The following TRPM3 variants were observed in gnomAD, a reference collection of about 807,000 sequenced individuals.
TRPM3 encodes transient receptor potential cation channel subfamily M member 3.
TRPM3 carries 77 observed loss-of-function variants against 181.2 expected under a neutral mutation model. The ratio of observed to expected loss-of-function variants is 0.42; its 90% CI spans 0.35 to 0.51. The LOEUF is 0.51. Ranked by LOEUF, TRPM3 falls within the 20% of genes least tolerant of loss-of-function variation. TRPM3 has a pLI of 0.01. For missense variants in TRPM3, 1,759 were observed against 2,196.7 expected (o/e 0.80, Z 3.98); for synonymous variants, 745 against 796.4 (o/e 0.94, Z 1.09).
chr9:70,790,492 T>G (rs910252375), intron 6 of TRPM3, among the ~76,000 whole-genome samples: 2 of 152,182 alleles, frequency 1.3e-5, no homozygotes, highest in Non-Finnish European at 2.9e-5. Context: ...GTTATGTGAT[T>G]TTTGTTGATT....
chr9:70,981,606 G>C (rs1366187421), intron 1 of TRPM3, among the ~76,000 whole-genome samples: 1 of 152,068 alleles, frequency 6.6e-6, no homozygotes, highest in Non-Finnish European at 1.5e-5. Context: ...CTGCATCTTG[G>C]TTTTCTTGAC....
intron 1 of TRPM3, among the ~76,000 whole-genome samples, chr9:71,094,363 G>A (rs2066745804): frequency 6.6e-6 from 1 of 152,122 alleles, no homozygotes; most frequent in Non-Finnish European, 1.5e-5. Context: ...GAAAAGAAAA[G>A]ACAAAGTCCT....
intron 1 of TRPM3, among the ~76,000 whole-genome samples, chr9:71,410,036 A>T (rs2131443442): frequency 6.6e-6 from 1 of 152,332 alleles, no homozygotes; most frequent in African/African-American, 2.4e-5. Context: ...TTAAGGCAGA[A>T]ATAAAGAGGT....
intron 1 of TRPM3, among the ~76,000 whole-genome samples, chr9:71,286,942 A>G (rs994381042): frequency 7.5e-4 from 103 of 137,254 alleles, no homozygotes; most frequent in Non-Finnish European, 7.5e-4. Context: ...ATATATATAT[A>G]ATTTATATTT....
intron 9 of TRPM3, among the ~76,000 whole-genome samples, chr9:70,645,704 T>A (rs1043472126): frequency 6.7e-6 from 1 of 149,764 alleles, no homozygotes; most frequent in Admixed American, 6.7e-5. Flanking sequence ...CCAAAATTGA[T>A]AAATGGGATG....
chr9:70,608,032 C>T (rs113091686), intron 19 of TRPM3, among the ~76,000 whole-genome samples: 23 of 152,332 alleles, frequency 1.5e-4, no homozygotes, highest in African/African-American at 4.6e-4. Flanking sequence ...GACCAATCAC[C>T]GAGTTTCGGT....
chr9:70,871,045 TAGAG>T (rs2095780318), intron 1 of TRPM3, among the ~76,000 whole-genome samples: 1 of 151,826 alleles, frequency 6.6e-6, no homozygotes, highest in South Asian at 2.1e-4. Context: ...AGTAAAAAGA[TAGAG>T]GGATCAGTGG....
chr9:70,828,823 C>T (rs775943995), intron 5 of TRPM3, among the ~76,000 whole-genome samples: 5 of 151,182 alleles, frequency 3.3e-5, no homozygotes, highest in Non-Finnish European at 7.4e-5. Context: ...ATTTTGTAGG[C>T]GAAGAAACTA....
intron 1 of TRPM3, among the ~76,000 whole-genome samples, chr9:70,997,363 T>C (rs1462219478): frequency 6.6e-6 from 1 of 152,082 alleles, no homozygotes; most frequent in Non-Finnish European, 1.5e-5. Context: ...ACTGGGGTAA[T>C]TTTTTGTATT....
In TRPM3 at chr9:71,031,975, T is replaced by TATATTATATA. The variant is rs1554806593; in HGVS notation, c.177+89202_177+89203insTATATAATAT. Among the ~76,000 whole-genome samples, 7 of 7,940 alleles carry TATATTATATA rather than the reference T, an allele frequency of 8.8e-4. 1 individual carries two copies. The Admixed American group carries it at 0.018, about 20-fold the overall frequency. 5.2% of individuals were successfully genotyped at this position (7,940 alleles called of 152,430 possible). On this transcript the variant is annotated intron_variant, in intron 1 of 25. Transcript: ENST00000677713. ...TATATATAATTATATATATATATTA[T>TATATTATATA]ATATATATATATTATATATATATAA...
chr9:71,146,956 G>T (rs1333067630), intron 1 of TRPM3, among the ~76,000 whole-genome samples: 1 of 152,166 alleles, frequency 6.6e-6, no homozygotes, highest in African/African-American at 2.4e-5. Context: ...ACTAAGATGT[G>T]TTTGTGGCTA....
intron 1 of TRPM3, among the ~76,000 whole-genome samples, chr9:71,232,452 G>A (rs577753347): frequency 4.7e-4 from 67 of 142,870 alleles, no homozygotes; most frequent in Admixed American, 1.1e-3. Context: ...CTCACTCCCT[G>A]ATGCATACTC....
intron 6 of TRPM3, among the ~76,000 whole-genome samples, chr9:70,819,515 A>G (rs2092985294): frequency 6.6e-6 from 1 of 152,162 alleles, no homozygotes; most frequent in Non-Finnish European, 1.5e-5. Flanking sequence ...AACAGATGAG[A>G]CCACACTCAA....
At chr9:71,018,351 CAAAT>C (rs773965618) in intron 1 of TRPM3, among the ~76,000 whole-genome samples, 13 of 151,212 alleles carry the variant, frequency 8.6e-5, no homozygotes, top group South Asian at 2.1e-4. Context: ...ATGAAATAAA[CAAAT>C]AGACACAATA....
intron 8 of TRPM3, among the ~76,000 whole-genome samples, chr9:70,690,339 T>C (rs992157781): frequency 1.3e-5 from 2 of 152,154 alleles, no homozygotes; most frequent in African/African-American, 4.8e-5. Flanking sequence ...AGTCTGCCTA[T>C]AATCATGTTA....
chr9:70,537,279 G>A lies in TRPM3; in HGVS notation c.3834C>T (p.Ala1278=). 1.3e-6 allele frequency: 2 copies of A among 1,570,150 alleles called. No homozygotes were observed. Among genetic ancestry groups the A allele is most frequent in the Non-Finnish European group, 1.7e-6 (2 of 1,154,612 alleles). The change falls in exon 26 of 26, where the codon GCC becomes GCT. Residue 1278 remains alanine (A), a synonymous_variant. Coordinates refer to ENST00000677713, the MANE Select transcript of TRPM3 (RefSeq NM_001366145.2). ...LEDLIGRMAT[A]LERLTGLERA... ...GCTCCAGACCTGTCAGGCGCTCCAG[G>A]GCCGTGGCCATGCGCCCGATAAGGT...
At chr9:70,739,849 C>G (rs909517071) in intron 8 of TRPM3, among the ~76,000 whole-genome samples, 4 of 152,092 alleles carry the variant, frequency 2.6e-5, no homozygotes, top group African/African-American at 9.7e-5. Context: ...AACTACTGGC[C>G]TCAAGTGATC....
At chr9:70,915,481 AT>A (rs1385115581) in intron 1 of TRPM3, among the ~76,000 whole-genome samples, 1 of 137,762 alleles carries the variant, frequency 7.3e-6, no homozygotes, top group East Asian at 2.1e-4. Context: ...TTTTTTTTTT[AT>A]TTTTAGTAGA....
At chr9:70,761,401 C>T in intron 8 of TRPM3, 200 bp downstream of exon 8, 1 of 727,436 alleles carries the variant, frequency 1.4e-6, no homozygotes, top group Non-Finnish European at 2.5e-6. Flanking sequence ...CTCTGCTGCA[C>T]ACACCTTATT....
Sources: gnomAD v4.1 joint callset for allele counts (sites outside exome capture counted in the v4.1 genomes callset) on GRCh38, gnomAD v4.1.1 for gene constraint, MANE v1.5 for transcripts, NCBI Gene and HGNC (gene_info 2026-07-23, HGNC 2026-07-21) for gene names.